The following ACSL6 variants were observed in gnomAD, a reference collection of about 807,000 sequenced individuals.
ACSL6 encodes long-chain-fatty-acid--CoA ligase 6.
In ACSL6, 47 loss-of-function variants were observed where a neutral mutation model predicts 98.2. The ratio of observed to expected loss-of-function variants is 0.48; its 90% CI spans 0.38 to 0.61. The LOEUF (loss-of-function observed/expected upper bound fraction) is 0.61, where lower values mean the gene tolerates loss of function less well. ACSL6 is among the 20% of genes least tolerant of loss of function. The pLI is 0.00. For missense variants in ACSL6, 761 were observed against 913.4 expected (o/e 0.83, Z 2.15); for synonymous variants, 362 against 336.9 (o/e 1.07, Z -0.82).
chr5:131,961,459 G>A (rs191399694), intron 18 of ACSL6, among the ~76,000 whole-genome samples: 130 of 152,124 alleles, frequency 8.5e-4, no homozygotes, highest in Non-Finnish European at 1.4e-3. Context: ...TTGGGAGGCT[G>A]AGGCAGGCAC....
At position 131,953,947 on chromosome 5, in the gene ACSL6, A is replaced by G. The variant is rs1018081328; in HGVS notation, c.*287T>C. ...TAATAGTTCTGTGAACATTGACAATATATTACTTTTAGTGGTACACAGTTC... is the reference window on the plus strand; with the variant it reads ...TAATAGTTCTGTGAACATTGACAATGTATTACTTTTAGTGGTACACAGTTC... On this transcript the variant is annotated 3_prime_UTR_variant, in exon 21 of 21. Coordinates refer to ENST00000651883, the MANE Select transcript of ACSL6 (RefSeq NM_001009185.3). 3 of 248,344 alleles carry G rather than the reference A, an allele frequency of 1.2e-5. No homozygotes were observed. The highest frequency in any genetic ancestry group is 6.2e-5 in the East Asian group (1 of 16,192). 15.4% of individuals were successfully genotyped at this position (248,344 alleles called of 1,614,324 possible). A position where few individuals can be genotyped will look rare whatever the true frequency, so the allele number is the denominator to read the frequency against.
intron 8 of ACSL6, 39 bp from the exon 9 acceptor site, chr5:131,985,497 G>A: frequency 6.2e-7 from 1 of 1,611,510 alleles, no homozygotes; most frequent in Non-Finnish European, 8.5e-7. Flanking sequence ...GGGAGACCCA[G>A]TGTGGCCAGC....
At chr5:131,998,376 G>A (rs1754897932) in intron 1 of ACSL6, among the ~76,000 whole-genome samples, 1 of 152,180 alleles carries the variant, frequency 6.6e-6, no homozygotes, top group Non-Finnish European at 1.5e-5. Flanking sequence ...GCACAGACCA[G>A]TTCAGAATAC....
At chr5:132,003,157 T>C (rs1268999746) in intron 1 of ACSL6, among the ~76,000 whole-genome samples, 2 of 152,228 alleles carry the variant, frequency 1.3e-5, no homozygotes, top group African/African-American at 2.4e-5. Context: ...CTGAATATTC[T>C]GGCATCCCCA....
chr5:131,965,591 G>A lies in ACSL6; in HGVS notation c.1713+825C>T, dbSNP rs915894763. Among the ~76,000 whole-genome samples the A allele has an allele frequency of 1.2e-4, 19 of 152,122 alleles. 1 individual carries two copies. The highest frequency in any genetic ancestry group is 6.5e-4 in the Admixed American group (10 of 15,278). ...AAAAAAGTTAGCCAGATGGGATGGC[G>A]GGCACCTGTAGTCCCAGCTGCTGGG... is the stretch of plus-strand genomic sequence containing the variant. On this transcript the variant is annotated intron_variant, in intron 17 of 20. Coordinates refer to ENST00000651883, the MANE Select transcript of ACSL6 (RefSeq NM_001009185.3).
At chr5:131,989,293 G>C in intron 5 of ACSL6, 114 bp downstream of exon 5, 1 of 1,022,826 alleles carries the variant, frequency 9.8e-7, no homozygotes, top group South Asian at 1.5e-5. Flanking sequence ...TAGCCCAAGG[G>C]TCTCTGTTTT....
rs907005451 is a variant in ACSL6, at chr5:131,989,441, T to C, written c.518A>G (p.Gln173Arg). The part of the protein sequence containing the change: ...LQHNCKACTD[Q>R]FIGVFAQNRP... The stretch of plus-strand genomic sequence containing the variant: ...ATTTTGTGCAAAAACACCAATAAAC[T>C]GATCAGTGCATGCTTTACAATTGTG... Residue 173 changes from glutamine (Q) to arginine (R), a missense_variant, in exon 5 of 21, where the codon CAG becomes CGG. Gln to Arg is a conservative substitution (Grantham distance 43). Transcript: ENST00000651883. 6.2e-7 allele frequency: 1 copy of C among 1,614,028 alleles called. No homozygotes were observed. Among genetic ancestry groups the C allele is most frequent in the Non-Finnish European group, 8.5e-7 (1 of 1,179,988 alleles).
intron 9 of ACSL6, 132 bp from the exon 10 acceptor site, chr5:131,976,853 T>C: frequency 1.4e-6 from 1 of 729,770 alleles, no homozygotes. Context: ...TCAGCCACCT[T>C]TAGACTTACA....
At chr5:131,984,446 A>G (rs1450357353) in intron 9 of ACSL6, 2 of 152,224 alleles carry the variant, frequency 1.3e-5, no homozygotes, top group Admixed American at 6.5e-5. Flanking sequence ...GGGCAAGACA[A>G]GTGACATCCA....
chr5:131,960,409 G>C (rs537537986), intron 19 of ACSL6, 111 bp downstream of exon 19: 2 of 770,720 alleles, frequency 2.6e-6, no homozygotes, highest in African/African-American at 1.8e-5. Flanking sequence ...AGTAATGTTA[G>C]AAATTTCGTA....
At chr5:131,970,464 C>T (rs2149713916) in intron 14 of ACSL6, among the ~76,000 whole-genome samples, 1 of 150,866 alleles carries the variant, frequency 6.6e-6, no homozygotes, top group East Asian at 2.0e-4. Context: ...GGCTGGAGTG[C>T]AATGGCGTGA....
intron 2 of ACSL6, chr5:131,993,106 C>T (rs1343066807): frequency 6.6e-6 from 1 of 152,396 alleles, no homozygotes; most frequent in East Asian, 1.9e-4. Context: ...CGCAAAGCCC[C>T]CATGTGCCTC....
chr5:131,980,076 GT>G (rs1169111973), intron 9 of ACSL6, among the ~76,000 whole-genome samples: 1 of 152,188 alleles, frequency 6.6e-6, no homozygotes, highest in Non-Finnish European at 1.5e-5. Flanking sequence ...TGAGCTCAAG[GT>G]TTCTCCTGCA....
rs1561769877 is a variant in ACSL6, at chr5:131,954,198, A to G, written c.*36T>C. The G allele has an allele frequency of 4.4e-6, 7 of 1,581,958 alleles. No homozygotes were observed. In the East Asian group the frequency reaches 1.6e-4, roughly 36 times the overall value. ...TCAAGAATAACTATAATATTGCTAG[A>G]CAGTTCATTACACTGAGAAGAACTT... On this transcript the variant is annotated 3_prime_UTR_variant, in exon 21 of 21. Coordinates refer to ENST00000651883, the MANE Select transcript of ACSL6 (RefSeq NM_001009185.3).
At chr5:131,988,553 T>C (rs2126890832) in intron 6 of ACSL6, 1 of 1,541,480 alleles carries the variant, frequency 6.5e-7, no homozygotes, top group East Asian at 2.3e-5. Context: ...CAGAGGGCTG[T>C]ACCCTGTGTG....
upstream of ACSL6, chr5:132,012,105 A>C (rs1158626856): frequency 3.9e-6 from 3 of 760,690 alleles, no homozygotes; most frequent in Non-Finnish European, 5.9e-6. Context: ...TAGGAGGTGC[A>C]CACTCCTGTG....
rs141398515 is a variant in ACSL6 at position 131,998,476 on chromosome 5, C to G, written c.50-4225G>C. On this transcript the variant is annotated intron_variant, in intron 1 of 20. Coordinates refer to ENST00000651883, the MANE Select transcript of ACSL6 (RefSeq NM_001009185.3). ...TAGGGCAATCCAGCATGGGAGAGAACAGGAAGAAAGGGGCCCTGGTGGGAA... is the reference window on the plus strand; with the variant it reads ...TAGGGCAATCCAGCATGGGAGAGAAGAGGAAGAAAGGGGCCCTGGTGGGAA... 5.2e-4 allele frequency among the ~76,000 whole-genome samples: 79 copies of G among 152,298 alleles called. No individual in the cohort carries two copies. In the East Asian group the frequency reaches 0.011, roughly 20 times the overall value.
intron 9 of ACSL6, among the ~76,000 whole-genome samples, chr5:131,979,487 T>C (rs1398079191): frequency 1.3e-5 from 2 of 152,242 alleles, no homozygotes; most frequent in African/African-American, 4.8e-5. Context: ...ACAACAGCAG[T>C]AGTTATTCAA....
chr5:131,985,883 C>T (rs1263464126), intron 8 of ACSL6, among the ~76,000 whole-genome samples: 2 of 152,194 alleles, frequency 1.3e-5, no homozygotes, highest in South Asian at 2.1e-4. Context: ...CTTGGGAGCA[C>T]GTGTGGCTTG....
Sources: gnomAD v4.1 joint callset for allele counts (sites outside exome capture counted in the v4.1 genomes callset) on GRCh38, gnomAD v4.1.1 for gene constraint, MANE v1.5 for transcripts, NCBI Gene and HGNC (gene_info 2026-07-23, HGNC 2026-07-21) for gene names.